Variants in CDH4 observed in about 807,000 individuals in gnomAD.
CDH4 encodes the protein cadherin-4.
Under a neutral mutation model 86.0 loss-of-function variants are expected in CDH4, and 33 were observed. The ratio of observed to expected loss-of-function variants is 0.38; its 90% CI spans 0.29 to 0.51. The LOEUF is 0.51. Among genes scored for constraint, CDH4 ranks in the 20% least tolerant of loss-of-function variants. CDH4 has a pLI of 0.86. For missense variants in CDH4, 1,114 were observed against 1,307.4 expected (o/e 0.85, Z 2.28); for synonymous variants, 555 against 549.4 (o/e 1.01, Z -0.14).
chr20:61,542,895 C>T (rs536403979), intron 2 of CDH4, among the ~76,000 whole-genome samples: 1 of 152,324 alleles, frequency 6.6e-6, no homozygotes, highest in South Asian at 2.1e-4. Flanking sequence ...GTCCAAGTCC[C>T]CAGATCTCAA....
At chr20:61,368,969 C>T (rs2084825095) in intron 2 of CDH4, among the ~76,000 whole-genome samples, 1 of 152,030 alleles carries the variant, frequency 6.6e-6, no homozygotes, top group African/African-American at 2.4e-5. Context: ...GTGATATATC[C>T]CTGAAAATCC....
intron 2 of CDH4, among the ~76,000 whole-genome samples, chr20:61,414,659 CAG>C (rs1320286487): frequency 2.6e-5 from 4 of 152,166 alleles, no homozygotes; most frequent in Admixed American, 1.3e-4. Context: ...TTGCTATAAA[CAG>C]GGGCTTGCTG....
chr20:61,931,245 C>G, intron 13 of CDH4, among the ~76,000 whole-genome samples: 1 of 152,358 alleles, frequency 6.6e-6, no homozygotes, highest in East Asian at 1.9e-4. Context: ...CAAGACTAGG[C>G]CCGGGCTCCA....
intron 2 of CDH4, among the ~76,000 whole-genome samples, chr20:61,655,220 G>A (rs1300978642): frequency 6.6e-6 from 1 of 152,230 alleles, no homozygotes; most frequent in Non-Finnish European, 1.5e-5. Context: ...ACACACACCT[G>A]AAAATAATCA....
intron 4 of CDH4, among the ~76,000 whole-genome samples, chr20:61,818,641 G>A (rs1980856437): frequency 6.7e-6 from 1 of 150,130 alleles, no homozygotes; most frequent in African/African-American, 2.4e-5. Flanking sequence ...TTGCCCCACT[G>A]CACTCCAACC....
intron 4 of CDH4, among the ~76,000 whole-genome samples, chr20:61,839,170 G>A (rs1982021719): frequency 6.6e-6 from 1 of 152,242 alleles, no homozygotes. Flanking sequence ...TTTTTAAAGT[G>A]TCTTTAAAAT....
intron 8 of CDH4, among the ~76,000 whole-genome samples, chr20:61,896,919 G>A (rs1212980498): frequency 6.6e-6 from 1 of 152,160 alleles, no homozygotes; most frequent in Non-Finnish European, 1.5e-5. Context: ...GTGATGGCAG[G>A]GAGGGAGGGG....
chr20:61,421,798 G>T (rs910691419), intron 2 of CDH4, among the ~76,000 whole-genome samples: 1 of 152,218 alleles, frequency 6.6e-6, no homozygotes, highest in Non-Finnish European at 1.5e-5. Flanking sequence ...AGCGCTGGCT[G>T]ATGGAGGCCC....
At chr20:61,652,858 TGG>T (rs202066224) in intron 2 of CDH4, among the ~76,000 whole-genome samples, 105,096 of 140,444 alleles carry the variant, frequency 0.75, 39,607 homozygotes, top group Non-Finnish European at 0.79. Context: ...AATTTTTTTT[TGG>T]GGGGGGGATA....
intron 3 of CDH4, among the ~76,000 whole-genome samples, chr20:61,764,540 G>C (rs1006394854): frequency 6.6e-6 from 1 of 152,122 alleles, no homozygotes; most frequent in African/African-American, 2.4e-5. Context: ...GACCCCTCGA[G>C]CCATGGGTGG....
intron 8 of CDH4, among the ~76,000 whole-genome samples, chr20:61,897,932 G>A (rs1396095316): frequency 1.3e-5 from 2 of 152,266 alleles, no homozygotes; most frequent in East Asian, 3.8e-4. Flanking sequence ...GCAGTCCACT[G>A]CTTTGGTCAG....
intron 7 of CDH4, among the ~76,000 whole-genome samples, chr20:61,884,149 C>G (rs987466390): frequency 1.3e-5 from 2 of 152,132 alleles, no homozygotes; most frequent in Non-Finnish European, 2.9e-5. Flanking sequence ...AGGGGAGGGT[C>G]TGCTGGAGTT....
intron 2 of CDH4, among the ~76,000 whole-genome samples, chr20:61,502,730 A>C (rs1270069155): frequency 6.6e-6 from 1 of 152,184 alleles, no homozygotes; most frequent in Non-Finnish European, 1.5e-5. Context: ...ACGAAGGAGA[A>C]ACTGCCGTTA....
chr20:61,257,582 G>A lies in CDH4; in HGVS notation c.169+2645G>A, dbSNP rs544145181. Among the ~76,000 whole-genome samples, 48 of 152,370 alleles carry A rather than the reference G, an allele frequency of 3.2e-4. 1 individual carries two copies. The highest frequency in any genetic ancestry group is 4.9e-4 in the Non-Finnish European group (33 of 68,030). ...TGAATGCAATTGCATATACTCTTAT[G>A]CTGTACTTTTGTTTTTAGGATAATT... is the stretch of plus-strand genomic sequence containing the variant. On this transcript the variant is annotated intron_variant, in intron 2 of 15. Coordinates refer to ENST00000614565, the MANE Select transcript of CDH4 (RefSeq NM_001794.5).
At chr20:61,854,600 C>T (rs541976916) in intron 6 of CDH4, among the ~76,000 whole-genome samples, 102 of 146,722 alleles carry the variant, frequency 7.0e-4, no homozygotes, top group African/African-American at 2.2e-3. Flanking sequence ...GCCCTTGGTC[C>T]GCCCCCAGGG....
intron 4 of CDH4, among the ~76,000 whole-genome samples, chr20:61,792,046 G>T (rs1397880284): frequency 6.6e-6 from 1 of 152,178 alleles, no homozygotes; most frequent in Non-Finnish European, 1.5e-5. Flanking sequence ...GCCTGGTGGG[G>T]CTGGAAGGTT....
intron 2 of CDH4, among the ~76,000 whole-genome samples, chr20:61,669,107 G>A (rs762784069): frequency 2.6e-5 from 4 of 152,222 alleles, no homozygotes; most frequent in Admixed American, 1.3e-4. Flanking sequence ...TGGAACCCAC[G>A]TTCTCCAGCA....
intron 15 of CDH4, among the ~76,000 whole-genome samples, chr20:61,934,677 G>C (rs903929057): frequency 6.6e-6 from 1 of 152,178 alleles, no homozygotes; most frequent in African/African-American, 2.4e-5. Context: ...TGCTCAGAGA[G>C]GCAGAGGCCC....
At chr20:61,329,236 A>T (rs1188682566) in intron 2 of CDH4, among the ~76,000 whole-genome samples, 1 of 147,746 alleles carries the variant, frequency 6.8e-6, no homozygotes, top group South Asian at 2.2e-4. Flanking sequence ...GACAGTTGAT[A>T]TGAAATATTC....
Sources: allele counts gnomAD v4.1 joint callset (sites outside exome capture counted in the v4.1 genomes callset), GRCh38; gene constraint gnomAD v4.1.1; transcripts MANE v1.5; gene names NCBI Gene and HGNC (gene_info 2026-07-23, HGNC 2026-07-21).